Variants in GRIK2 observed in about 807,000 individuals in gnomAD.
The protein encoded by GRIK2 is glutamate receptor ionotropic, kainate 2.
A neutral mutation model predicts 100.3 loss-of-function variants in GRIK2; 32 were observed. The ratio of observed to expected loss-of-function variants is 0.32; its 90% confidence interval spans 0.24 to 0.43. The LOEUF (loss-of-function observed/expected upper bound fraction) is 0.43, where lower values mean the gene tolerates loss of function less well. Ranked by LOEUF, GRIK2 falls within the 20% of genes least tolerant of loss-of-function variation. The probability of loss-of-function intolerance (pLI) is 1.00; values close to 1 mark genes in which losing one functional copy is unlikely to be tolerated. For synonymous variants in GRIK2, 417 were observed against 389.4 expected, an observed-to-expected ratio of 1.07 and a Z score of -0.83; for missense variants, 843 against 1,114.9, an observed-to-expected ratio of 0.76 and a Z score of 3.47.
At chr6:102,031,713 A>G (rs1009288531) in intron 14 of GRIK2, among the ~76,000 whole-genome samples, 2 of 151,252 alleles carry the variant, frequency 1.3e-5, no homozygotes, top group African/African-American at 4.8e-5. Flanking sequence ...GAGAACGTGC[A>G]ATATTTGGTT....
chr6:101,931,673 A>G lies in GRIK2; in HGVS notation c.2085+3041A>G, dbSNP rs546840257. On this transcript the variant is annotated intron_variant, in intron 14 of 16. Coordinates refer to ENST00000369134, the MANE Select transcript of GRIK2 (RefSeq NM_021956.5). ...AGAAAAATTCTTCCTTCTTTTTTCT[A>G]TATCCATTACACACCACACAGACTC... is the stretch of plus-strand genomic sequence containing the variant. Among the ~76,000 whole-genome samples the G allele has an allele frequency of 9.9e-3, 1,483 of 150,410 alleles. 22 individuals carry two copies. The highest frequency in any genetic ancestry group is 0.034 in the African/African-American group (1,393 of 41,002).
chr6:101,587,139 A>C (rs1246126624), intron 2 of GRIK2, among the ~76,000 whole-genome samples: 2 of 152,070 alleles, frequency 1.3e-5, no homozygotes, highest in Admixed American at 1.3e-4. Flanking sequence ...ATGAATATGA[A>C]AGAAAAAATG....
At chr6:101,730,524 A>C (rs541478616) in intron 7 of GRIK2, among the ~76,000 whole-genome samples, 2 of 152,082 alleles carry the variant, frequency 1.3e-5, no homozygotes, top group African/African-American at 2.4e-5. Flanking sequence ...CAGTGCTGGC[A>C]GGTATGCTAT....
At chr6:101,427,419 T>C (rs1307294821) in intron 2 of GRIK2, among the ~76,000 whole-genome samples, 3 of 152,224 alleles carry the variant, frequency 2.0e-5, no homozygotes, top group African/African-American at 7.2e-5. Flanking sequence ...TATCCACGAA[T>C]ATATTTAGTT....
intron 9 of GRIK2, among the ~76,000 whole-genome samples, chr6:101,807,871 T>TATTCA: frequency 6.6e-6 from 1 of 152,154 alleles, no homozygotes; most frequent in South Asian, 2.1e-4. Context: ...TCTATTTGTG[T>TATTCA]ATTCAGTCTG....
chr6:101,874,153 A>G (rs1423473378), intron 11 of GRIK2, among the ~76,000 whole-genome samples: 1 of 152,114 alleles, frequency 6.6e-6, no homozygotes, highest in Non-Finnish European at 1.5e-5. Context: ...TTGGTGTTTT[A>G]GACATGAAGT....
intron 2 of GRIK2, among the ~76,000 whole-genome samples, chr6:101,502,555 GAATA>G (rs1238747244): frequency 3.9e-5 from 6 of 151,914 alleles, no homozygotes; most frequent in Non-Finnish European, 5.9e-5. Flanking sequence ...AAAAGTATAA[GAATA>G]TATATGTAAT....
chr6:101,583,112 G>C (rs751610510), intron 2 of GRIK2, among the ~76,000 whole-genome samples: 1 of 152,162 alleles, frequency 6.6e-6, no homozygotes, highest in Non-Finnish European at 1.5e-5. Context: ...GGAAGCAGAA[G>C]TTACAGCTAT....
intron 12 of GRIK2, among the ~76,000 whole-genome samples, chr6:101,902,136 A>T (rs1787889773): frequency 6.6e-6 from 1 of 152,040 alleles, no homozygotes; most frequent in African/African-American, 2.4e-5. Flanking sequence ...TTCATAGTTT[A>T]AATATTCCCA....
intron 10 of GRIK2, among the ~76,000 whole-genome samples, chr6:101,822,342 G>A (rs1368508415): frequency 6.6e-6 from 1 of 151,704 alleles, no homozygotes; most frequent in Non-Finnish European, 1.5e-5. Context: ...GTCAGGAGTG[G>A]AAGGGCAAGT....
At chr6:102,046,482 T>C (rs1258056933) in intron 15 of GRIK2, among the ~76,000 whole-genome samples, 1 of 151,988 alleles carries the variant, frequency 6.6e-6, no homozygotes, top group Non-Finnish European at 1.5e-5. Context: ...TTAAAAAGTG[T>C]GACACTTCTC....
chr6:102,045,580 C>T (rs1424719462), intron 15 of GRIK2, among the ~76,000 whole-genome samples: 2 of 151,926 alleles, frequency 1.3e-5, no homozygotes, highest in Admixed American at 1.3e-4. Flanking sequence ...GGTTAAAAAT[C>T]ATCTGGTATC....
chr6:101,653,591 C>T (rs1163141846), intron 4 of GRIK2, among the ~76,000 whole-genome samples: 1 of 152,064 alleles, frequency 6.6e-6, no homozygotes, highest in Admixed American at 6.6e-5. Flanking sequence ...GCTGATTTAA[C>T]TCAGAGTCCT....
Position 101,475,940 on chromosome 6 carries a change from A to G in GRIK2, c.115+76548A>G, listed in dbSNP as rs543833640. On this transcript the variant is annotated intron_variant, in intron 2 of 16. Coordinates refer to ENST00000369134, the MANE Select transcript of GRIK2 (RefSeq NM_021956.5). ...ATAAATACTTTTAGATGCTAGGTAA[A>G]TATATACAAAAGAGCCAAGGTAATA... Among the ~76,000 whole-genome samples, 3 of 152,184 alleles carry G rather than the reference A, an allele frequency of 2.0e-5. No homozygotes were observed. The East Asian group carries it at 5.8e-4, about 29-fold the overall frequency.
At chr6:101,782,010 C>T (rs1045704880) in intron 7 of GRIK2, among the ~76,000 whole-genome samples, 2 of 151,998 alleles carry the variant, frequency 1.3e-5, no homozygotes, top group Non-Finnish European at 2.9e-5. Context: ...TCTCTGGAGT[C>T]CCCTTTATTT....
chr6:101,706,469 T>A (rs56158715), intron 7 of GRIK2, among the ~76,000 whole-genome samples: 4,611 of 152,024 alleles, frequency 0.03, 133 homozygotes, highest in East Asian at 0.16. Context: ...TATGAGTATA[T>A]AATAGGTGTA....
intron 2 of GRIK2, among the ~76,000 whole-genome samples, chr6:101,469,441 A>T (rs1033720845): frequency 2.0e-5 from 3 of 152,166 alleles, no homozygotes; most frequent in Admixed American, 6.6e-5. Flanking sequence ...GGGCCCGTTT[A>T]AATTAATATA....
At chr6:101,729,709 G>GAA (rs1393440688) in intron 7 of GRIK2, among the ~76,000 whole-genome samples, 1 of 151,634 alleles carries the variant, frequency 6.6e-6, no homozygotes, top group African/African-American at 2.4e-5. Context: ...GAGAGAGAGA[G>GAA]AATTCCAATT....
intron 10 of GRIK2, among the ~76,000 whole-genome samples, chr6:101,845,205 A>G (rs149794021): frequency 4.6e-5 from 7 of 152,114 alleles, no homozygotes; most frequent in Middle Eastern, 3.4e-3. Flanking sequence ...TTTTGTACAG[A>G]TGGGGTCTCG....
Sources: gnomAD v4.1 joint callset for allele counts (sites outside exome capture counted in the v4.1 genomes callset) on GRCh38, gnomAD v4.1.1 for gene constraint, MANE v1.5 for transcripts, NCBI Gene and HGNC (gene_info 2026-07-23, HGNC 2026-07-21) for gene names.